The following TMLHE variants were observed in gnomAD, a reference collection of about 807,000 sequenced individuals.
The protein encoded by TMLHE is trimethyllysine dioxygenase, mitochondrial.
Under a neutral mutation model 25.7 loss-of-function variants are expected in TMLHE, and 18 were observed. The observed-to-expected ratio is 0.70, with a 90% CI of 0.48 to 1.04. The LOEUF is 1.04. TMLHE is among the 50% of genes least tolerant of loss of function. The pLI, the probability that TMLHE is intolerant of heterozygous loss-of-function variation, is 0.00. For missense variants in TMLHE, 236 were observed against 259.0 expected, an observed-to-expected ratio of 0.91 and a Z score of 0.61; for synonymous variants, 105 against 97.0, an observed-to-expected ratio of 1.08 and a Z score of -0.49.
intron 1 of TMLHE, among the ~76,000 whole-genome samples, chrX:155,592,260 G>A (rs1316186040): frequency 3.6e-5 from 4 of 111,812 alleles, no homozygotes; most frequent in Non-Finnish European, 7.5e-5. Context: ...GGAGAAAGGA[G>A]TTCAAGACAC....
chrX:155,552,204 T>C (rs1360260227), intron 1 of TMLHE, among the ~76,000 whole-genome samples: 2 of 110,703 alleles, frequency 1.8e-5, no homozygotes, highest in Non-Finnish European at 3.8e-5. Context: ...TCCTTTCTCA[T>C]ATTTTCCTTA....
intron 1 of TMLHE, among the ~76,000 whole-genome samples, chrX:155,555,109 C>T (rs2067441047): frequency 9.1e-6 from 1 of 109,879 alleles, no homozygotes; most frequent in South Asian, 3.9e-4. Flanking sequence ...TCAATTCCCA[C>T]CTATGAGTGA....
At chrX:155,549,998 G>C (rs1376012552) in intron 1 of TMLHE, among the ~76,000 whole-genome samples, 1 of 110,099 alleles carries the variant, frequency 9.1e-6, no homozygotes, top group African/African-American at 3.4e-5. Context: ...TCCTGTGTTA[G>C]TTTGCTGAGA....
chrX:155,572,100 C>A (rs2067558032), intron 1 of TMLHE, among the ~76,000 whole-genome samples: 1 of 54,586 alleles, frequency 1.8e-5, no homozygotes, highest in African/African-American at 4.5e-5. Flanking sequence ...TGTCTCAGCC[C>A]AAAATCTCCT....
rs782212484 is a variant in TMLHE at position 155,611,999 on chromosome X, T to C, written c.-2+793A>G. 4 of 112,006 alleles carry C rather than the reference T, an allele frequency of 3.6e-5. No homozygotes were observed. The East Asian group carries it at 1.1e-3, about 32-fold the overall frequency. 9.2% of individuals were successfully genotyped at this position (112,006 alleles called of 1,213,427 possible). ...CAAGTTTTTCTTTCAGCGACTGAGT[T>C]AAAGCACGCAACTCATTTATCATGA... is the stretch of plus-strand genomic sequence containing the variant. On this transcript the variant is annotated intron_variant, in intron 1 of 7. Transcript: ENST00000334398.
chrX:155,511,805 A>G lies in TMLHE; in HGVS notation c.639-13T>C, dbSNP rs200527250. On this transcript the variant is annotated splice_polypyrimidine_tract_variant and intron_variant, in intron 4 of 7. Coordinates refer to ENST00000334398, the MANE Select transcript of TMLHE (RefSeq NM_018196.4). Reference sequence around the variant, plus strand: ...ATAAATGGTTTCTCTGTTAGTTGAAATAAAGAAAGACCTGTTAGCTATTTG... The same window carrying G: ...ATAAATGGTTTCTCTGTTAGTTGAAGTAAAGAAAGACCTGTTAGCTATTTG... The G allele has an allele frequency of 4.6e-5, 53 of 1,151,140 alleles. No individual in the cohort carries two copies. The Admixed American group carries it at 1.2e-3, about 26-fold the overall frequency. The allele number at this position is 1,151,140 out of a possible 1,213,427, so 94.9% of individuals were successfully genotyped here. A position where few individuals can be genotyped will look rare whatever the true frequency, so the allele number is the denominator to read the frequency against.
chrX:155,598,089 G>C (rs1569562262), intron 1 of TMLHE, among the ~76,000 whole-genome samples: 1 of 111,617 alleles, frequency 9.0e-6, no homozygotes. Context: ...AGGGTTTCAA[G>C]ATAGGAATAT....
chrX:155,512,539 G>A (rs1200881712), intron 4 of TMLHE, among the ~76,000 whole-genome samples: 2 of 110,687 alleles, frequency 1.8e-5, no homozygotes, highest in Admixed American at 9.6e-5. Flanking sequence ...TGGTGTATAT[G>A]TGCCACATTT....
At chrX:155,593,538 A>C (rs1557346208) in intron 1 of TMLHE, among the ~76,000 whole-genome samples, 1 of 112,139 alleles carries the variant, frequency 8.9e-6, no homozygotes, top group Non-Finnish European at 1.9e-5. Flanking sequence ...AGAAGAATCA[A>C]GGAATCATTA....
chrX:155,555,929 T>A (rs952746185), intron 1 of TMLHE, among the ~76,000 whole-genome samples: 3 of 109,245 alleles, frequency 2.7e-5, no homozygotes, highest in African/African-American at 6.7e-5. Context: ...GGTGTTTTAG[T>A]CATGAAGTCC....
chrX:155,506,057 A>T (rs1232823598), intron 6 of TMLHE, among the ~76,000 whole-genome samples: 1 of 111,301 alleles, frequency 9.0e-6, no homozygotes. Context: ...GTAAGAAGGG[A>T]TCAGATCATA....
intron 1 of TMLHE, among the ~76,000 whole-genome samples, chrX:155,601,790 C>CT (rs1557347325): frequency 9.1e-6 from 1 of 109,845 alleles, no homozygotes; most frequent in Non-Finnish European, 1.9e-5. Context: ...AATGGAAAGA[C>CT]ACACTTTAAA....
chrX:155,608,354 G>A (rs1435927109), intron 1 of TMLHE, among the ~76,000 whole-genome samples: 1 of 38,609 alleles, frequency 2.6e-5, no homozygotes, highest in Non-Finnish European at 6.5e-5. Context: ...GCTGTGTGCA[G>A]AAGATAGAAA....
intron 1 of TMLHE, among the ~76,000 whole-genome samples, chrX:155,591,508 A>G (rs1037521672): frequency 8.9e-6 from 1 of 112,406 alleles, no homozygotes; most frequent in African/African-American, 3.2e-5. Context: ...ATTAGAATCA[A>G]TAGTAGAAAG....
intron 1 of TMLHE, among the ~76,000 whole-genome samples, chrX:155,555,027 C>T (rs2067440151): frequency 9.1e-6 from 1 of 109,935 alleles, no homozygotes; most frequent in African/African-American, 3.3e-5. Context: ...GCTATCCCTT[C>T]CCCAGCTCCC....
chrX:155,579,995 C>T (rs1460987491), intron 1 of TMLHE, among the ~76,000 whole-genome samples: 1 of 110,073 alleles, frequency 9.1e-6, no homozygotes, highest in African/African-American at 3.3e-5. Flanking sequence ...TTAAAAAGCT[C>T]TTATACAGCA....
intron 1 of TMLHE, among the ~76,000 whole-genome samples, chrX:155,603,728 AG>A (rs2124500552): frequency 8.9e-6 from 1 of 112,246 alleles, no homozygotes; most frequent in African/African-American, 3.2e-5. Flanking sequence ...ATATGCAAAA[AG>A]ATTAATGAAG....
intron 1 of TMLHE, among the ~76,000 whole-genome samples, chrX:155,574,287 G>A (rs932503569): frequency 4.8e-5 from 5 of 103,271 alleles, no homozygotes; most frequent in Non-Finnish European, 9.4e-5. Context: ...ACTTGCTTAT[G>A]AAAGGTCAGA....
At chrX:155,592,152 C>T (rs1436493754) in intron 1 of TMLHE, among the ~76,000 whole-genome samples, 1 of 111,676 alleles carries the variant, frequency 9.0e-6, no homozygotes, top group African/African-American at 3.3e-5. Flanking sequence ...AACTTGAACT[C>T]ATAGAAGCAG....
Sources: gnomAD v4.1 joint callset for allele counts (sites outside exome capture counted in the v4.1 genomes callset) on GRCh38, gnomAD v4.1.1 for gene constraint, MANE v1.5 for transcripts, NCBI Gene and HGNC (gene_info 2026-07-23, HGNC 2026-07-21) for gene names.